The following STAC variants were observed in gnomAD, a reference collection of about 807,000 sequenced individuals.
STAC encodes the protein SH3 and cysteine rich domain, also known as SH3 and cysteine-rich domain-containing protein.
STAC carries 43 observed loss-of-function variants against 48.8 expected under a neutral mutation model. The observed-to-expected ratio is 0.88, with a 90% CI of 0.69 to 1.14. The LOEUF (loss-of-function observed/expected upper bound fraction) is 1.14, where lower values mean the gene tolerates loss of function less well. STAC is among the 50% of genes most tolerant of loss of function. STAC has a pLI of 0.00. For missense variants in STAC, 497 were observed against 504.0 expected, an observed-to-expected ratio of 0.99 and a Z score of 0.13; for synonymous variants, 193 against 179.5, an observed-to-expected ratio of 1.07 and a Z score of -0.60.
Position 36,534,461 on chromosome 3 carries a change from G to A in STAC, c.1110+5476G>A, listed in dbSNP as rs190290256. Among the ~76,000 whole-genome samples the A allele has an allele frequency of 2.0e-4, 31 of 152,202 alleles. 1 individual carries two copies. Among genetic ancestry groups the A allele is most frequent in the Admixed American group, 1.9e-3 (29 of 15,294 alleles). ...ATATTTATAACCCTACAAATATGAA[G>A]AGACAAATGGACATTAACAAGAAAA... On this transcript the variant is annotated intron_variant, in intron 10 of 10. Coordinates refer to ENST00000273183, the MANE Select transcript of STAC (RefSeq NM_003149.3).
chr3:36,437,701 A>G (rs1170085050), intron 1 of STAC, among the ~76,000 whole-genome samples: 1 of 150,916 alleles, frequency 6.6e-6, no homozygotes, highest in Non-Finnish European at 1.5e-5. Context: ...TGGGTTCAGC[A>G]CCCCAGCATG....
intron 8 of STAC, among the ~76,000 whole-genome samples, chr3:36,527,581 T>C (rs970589871): frequency 6.6e-6 from 1 of 152,106 alleles, no homozygotes; most frequent in Non-Finnish European, 1.5e-5. Context: ...TGTAAGTGTG[T>C]AAGAAAGACA....
intron 1 of STAC, among the ~76,000 whole-genome samples, chr3:36,398,320 C>CAAGAAAGAAAGAAAGCAAGAAAGAAAGA (rs1699898808): frequency 9.7e-5 from 8 of 82,168 alleles, no homozygotes; most frequent in African/African-American, 3.8e-4. Context: ...AGAAAGAAAG[C>CAAGAAAGAAAGAAAGCAAGAAAGAAAGA]AAGAAAGAAA....
intron 2 of STAC, among the ~76,000 whole-genome samples, chr3:36,468,436 G>A (rs1697235112): frequency 1.3e-5 from 2 of 151,834 alleles, no homozygotes; most frequent in African/African-American, 2.4e-5. Context: ...TATAGTTTAA[G>A]TCCATTGTTT....
chr3:36,402,530 A>G (rs868340638), intron 1 of STAC, among the ~76,000 whole-genome samples: 55 of 152,150 alleles, frequency 3.6e-4, no homozygotes, highest in African/African-American at 1.3e-3. Flanking sequence ...GCTCAATGCT[A>G]AAGGCTCAAG....
chr3:36,422,914 A>T (rs73060001), intron 1 of STAC, among the ~76,000 whole-genome samples: 3,537 of 152,242 alleles, frequency 0.023, 61 homozygotes, highest in East Asian at 0.026. Context: ...CTAGTGAGGG[A>T]AAGGATAAGC....
intron 2 of STAC, among the ~76,000 whole-genome samples, chr3:36,454,363 G>A (rs1323283283): frequency 6.6e-6 from 1 of 151,924 alleles, no homozygotes; most frequent in Non-Finnish European, 1.5e-5. Flanking sequence ...CACCACGAAC[G>A]TCTGCAGCTT....
At chr3:36,382,978 A>C (rs1049406402) in intron 1 of STAC, among the ~76,000 whole-genome samples, 7 of 152,168 alleles carry the variant, frequency 4.6e-5, no homozygotes, top group African/African-American at 1.7e-4. Flanking sequence ...AACTCTCTCA[A>C]GGAAGACTTA....
intron 2 of STAC, among the ~76,000 whole-genome samples, chr3:36,444,879 T>G (rs1251773914): frequency 6.6e-6 from 1 of 152,110 alleles, no homozygotes; most frequent in Non-Finnish European, 1.5e-5. Flanking sequence ...ACTGTCAGCT[T>G]GGGGTTGCTG....
intron 2 of STAC, among the ~76,000 whole-genome samples, chr3:36,450,298 A>C (rs550397814): frequency 9.2e-5 from 14 of 152,364 alleles, no homozygotes; most frequent in South Asian, 8.3e-4. Context: ...AAGCAAACTT[A>C]AGCAAAAATA....
chr3:36,516,923 T>C (rs1698687101), intron 8 of STAC, among the ~76,000 whole-genome samples: 2 of 152,162 alleles, frequency 1.3e-5, no homozygotes. Flanking sequence ...AACAACCTCA[T>C]TAACACCACC....
chr3:36,385,638 C>A (rs541581511), intron 1 of STAC, among the ~76,000 whole-genome samples: 30 of 152,086 alleles, frequency 2.0e-4, no homozygotes, highest in Non-Finnish European at 3.5e-4. Context: ...TACTGACACC[C>A]CAGAATCTCT....
chr3:36,430,880 T>A (rs576908236), intron 1 of STAC, among the ~76,000 whole-genome samples: 1 of 152,280 alleles, frequency 6.6e-6, no homozygotes, highest in South Asian at 2.1e-4. Context: ...CGGACTAGGG[T>A]ACACCCTAAT....
chr3:36,511,922 T>C (rs1698551997), intron 8 of STAC, among the ~76,000 whole-genome samples: 1 of 152,096 alleles, frequency 6.6e-6, no homozygotes, highest in African/African-American at 2.4e-5. Context: ...CCACCACACC[T>C]CATGGTGGAT....
chr3:36,522,872 C>T (rs559801652), intron 8 of STAC, among the ~76,000 whole-genome samples: 1 of 152,154 alleles, frequency 6.6e-6, no homozygotes, highest in South Asian at 2.1e-4. Flanking sequence ...GCAACTCATA[C>T]TCCTTCCTCC....
rs1020582752 is a variant in STAC at position 36,443,170 on chromosome 3, T to G, written c.112-194T>G. Among the ~76,000 whole-genome samples the G allele has an allele frequency of 9.9e-5, 15 of 152,118 alleles. No individual in the cohort carries two copies. The highest frequency in any genetic ancestry group is 3.6e-4 in the African/African-American group (15 of 41,412). On this transcript the variant is annotated intron_variant, in intron 1 of 10. Coordinates refer to ENST00000273183, the MANE Select transcript of STAC (RefSeq NM_003149.3). This position sits in a 1 kb window ranked among gnomAD's most constrained non-coding sequence, Gnocchi z 4.2. ...ACCTCTTTCTGCTCATCTGGCTTAG[T>G]GGCAGGGGCGGGGGAAATTCCCTCT...
chr3:36,389,175 A>G (rs1699686139), intron 1 of STAC, among the ~76,000 whole-genome samples: 2 of 152,108 alleles, frequency 1.3e-5, no homozygotes, highest in African/African-American at 2.4e-5. Context: ...TTTGTTAGCT[A>G]TTTTCCAACT....
At chr3:36,507,314 G>C (rs1008669449) in intron 8 of STAC, among the ~76,000 whole-genome samples, 4 of 152,092 alleles carry the variant, frequency 2.6e-5, no homozygotes, top group Non-Finnish European at 5.9e-5. Flanking sequence ...TGCTGGATTC[G>C]GTTTGCCAGT....
chr3:36,502,964 G>A (rs1698313964), intron 6 of STAC, among the ~76,000 whole-genome samples: 1 of 152,144 alleles, frequency 6.6e-6, no homozygotes, highest in Non-Finnish European at 1.5e-5. Flanking sequence ...TATTTGATAA[G>A]CATCAGTACA....
Sources: allele counts gnomAD v4.1 joint callset (sites outside exome capture counted in the v4.1 genomes callset), GRCh38; gene constraint gnomAD v4.1.1; non-coding constraint Gnocchi (gnomAD v3.1); transcripts MANE v1.5; gene names NCBI Gene and HGNC (gene_info 2026-07-23, HGNC 2026-07-21).